The following USP26 variants were observed in gnomAD, a reference collection of about 807,000 sequenced individuals.
The protein encoded by USP26 is ubiquitin carboxyl-terminal hydrolase 26.
For missense variants in USP26, 649 were observed against 642.3 expected (o/e 1.01, Z -0.11); for synonymous variants, 236 against 240.6 (o/e 0.98, Z 0.18).
Position 133,059,958 on chromosome X carries a change from T to C in USP26, c.-77+23749A>G, listed in dbSNP as rs2067489536. 4.5e-5 allele frequency among the ~76,000 whole-genome samples: 5 copies of C among 112,176 alleles called. No homozygotes were observed. The Admixed American group carries it at 4.7e-4, about 11-fold the overall frequency. On this transcript the variant is annotated intron_variant, in intron 5 of 5. Coordinates refer to ENST00000511190, the MANE Select transcript of USP26 (RefSeq NM_031907.3). ...CTAATACCCTATGGTTCTGCTCTGTTGAAATGCAGCCTGTTCAGCAGATTA... is the reference window on the plus strand; with the variant it reads ...CTAATACCCTATGGTTCTGCTCTGTCGAAATGCAGCCTGTTCAGCAGATTA...
intron 5 of USP26, among the ~76,000 whole-genome samples, chrX:133,058,005 G>A (rs2067482274): frequency 1.1e-5 from 1 of 94,895 alleles, no homozygotes. Flanking sequence ...AGCCTCCCAA[G>A]TAGCTGGGAC....
At position 133,026,455 on chromosome X, in the gene USP26, G is replaced by C; in HGVS notation, c.1766C>G (p.Pro589Arg). ...GATATCTTTGGATTCCTTTGTTGCA[G>C]GCCATGATACACTGATGTTTCCAGA... The part of the protein sequence containing the change: ...MTSGNISVSW[P>R]ATKESKDILA... The change falls in exon 6 of 6, where the codon CCT becomes CGT. Residue 589 changes from proline to arginine, a missense_variant. Transcript: ENST00000511190. 8.3e-7 allele frequency: 1 copy of C among 1,208,515 alleles called. No homozygotes were observed. Among genetic ancestry groups the C allele is most frequent in the Non-Finnish European group, 1.1e-6 (1 of 894,716 alleles).
At chrX:133,095,527 G>A (rs1181070582) in intron 1 of USP26, among the ~76,000 whole-genome samples, 1 of 112,208 alleles carries the variant, frequency 8.9e-6, no homozygotes, top group Non-Finnish European at 1.9e-5. Context: ...GCACTCAATC[G>A]ACAGTTAATT....
chrX:133,075,765 G>A (rs1333423951), intron 5 of USP26, among the ~76,000 whole-genome samples: 1 of 111,928 alleles, frequency 8.9e-6, no homozygotes, highest in Admixed American at 9.5e-5. Context: ...GAGGTGTTGT[G>A]TTTTAAATAC....
rs1405284685 is a variant in USP26, at chrX:133,025,496, TCTC to T, written c.2722_2724del (p.Glu908del). The T allele has an allele frequency of 8.3e-7, 1 of 1,210,726 alleles. No individual in the cohort carries two copies. Among genetic ancestry groups the T allele is most frequent in the African/African-American group, 1.7e-5 (1 of 57,574 alleles). On this transcript the variant is annotated inframe_deletion, in exon 6 of 6. Coordinates refer to ENST00000511190, the MANE Select transcript of USP26 (RefSeq NM_031907.3). The stretch of plus-strand genomic sequence containing the variant: ...CGTTCCTCTTATTCCTTCTGAAGGG[TCTC>T]CTCTACCTCCTTGCTATTAAGCTGG...
chrX:133,091,221 T>C (rs1228658904), intron 2 of USP26, 132 bp downstream of exon 2: 8 of 111,983 alleles, frequency 7.1e-5, no homozygotes, highest in Non-Finnish European at 1.5e-4. Flanking sequence ...CCCTAGCAAA[T>C]AAATGTCACA....
intron 1 of USP26, among the ~76,000 whole-genome samples, chrX:133,095,813 C>T (rs941147868): frequency 4.5e-5 from 5 of 111,277 alleles, no homozygotes; most frequent in Admixed American, 1.9e-4. Flanking sequence ...GGCACAATTT[C>T]GGCTCACTGC....
chrX:133,044,699 G>A (rs770610712), intron 5 of USP26, among the ~76,000 whole-genome samples: 6 of 113,086 alleles, frequency 5.3e-5, no homozygotes, highest in Non-Finnish European at 9.4e-5. Flanking sequence ...AAGCCTCCCC[G>A]ACGAGCGTCA....
At chrX:133,046,143 C>T (rs1364222013) in intron 5 of USP26, among the ~76,000 whole-genome samples, 1 of 111,559 alleles carries the variant, frequency 9.0e-6, no homozygotes, top group African/African-American at 3.3e-5. Flanking sequence ...GGAATAGATT[C>T]CACTGCTGTG....
At chrX:133,085,854 T>C (rs1602991138) in intron 4 of USP26, among the ~76,000 whole-genome samples, 1 of 111,143 alleles carries the variant, frequency 9.0e-6, no homozygotes, top group African/African-American at 3.3e-5. Flanking sequence ...AAAAAATCAA[T>C]TCCCGGCTGG....
chrX:133,075,486 C>T (rs2067544974), intron 5 of USP26, among the ~76,000 whole-genome samples: 1 of 112,033 alleles, frequency 8.9e-6, no homozygotes. Flanking sequence ...CTCCAGTTCT[C>T]CTATTTCATG....
chrX:133,023,417 C>A lies in USP26; in HGVS notation c.*2062G>T, dbSNP rs1046989850. Among the ~76,000 whole-genome samples the A allele has an allele frequency of 1.8e-5, 2 of 111,627 alleles. No homozygotes were observed. Among genetic ancestry groups the A allele is most frequent in the Non-Finnish European group, 3.8e-5 (2 of 53,148 alleles). ...GTTATTAGCATCTTCACACTCCTTT[C>A]AAAACAAAACAACTTTCCTTCATTC... On this transcript the variant is annotated 3_prime_UTR_variant, in exon 6 of 6. Coordinates refer to ENST00000511190, the MANE Select transcript of USP26 (RefSeq NM_031907.3).
At chrX:133,075,479 C>T (rs1481329208) in intron 5 of USP26, among the ~76,000 whole-genome samples, 3 of 111,844 alleles carry the variant, frequency 2.7e-5, no homozygotes, top group Non-Finnish European at 5.6e-5. Context: ...AAGTTCTCTC[C>T]AGTTCTCCTA....
At chrX:133,054,060 A>G (rs2067468227) in intron 5 of USP26, among the ~76,000 whole-genome samples, 1 of 111,397 alleles carries the variant, frequency 9.0e-6, no homozygotes, top group Non-Finnish European at 1.9e-5. Context: ...TGTTTCAGTA[A>G]CTAAACTCTC....
At chrX:133,042,758 A>G (rs992697326) in intron 5 of USP26, among the ~76,000 whole-genome samples, 1 of 112,069 alleles carries the variant, frequency 8.9e-6, no homozygotes, top group African/African-American at 3.2e-5. Flanking sequence ...TTGAGGACAC[A>G]GTATTAATTG....
chrX:133,063,107 T>A (rs1346867657), intron 5 of USP26, among the ~76,000 whole-genome samples: 2 of 110,649 alleles, frequency 1.8e-5, no homozygotes, highest in East Asian at 5.7e-4. Flanking sequence ...GCCGAATCGA[T>A]CAAGTGGAAG....
chrX:133,085,288 A>C (rs763718595), intron 4 of USP26, among the ~76,000 whole-genome samples: 1 of 112,331 alleles, frequency 8.9e-6, no homozygotes, highest in Admixed American at 9.4e-5. Flanking sequence ...CCACTTATGC[A>C]TGAGAACAAT....
At chrX:133,049,271 C>T (rs1056182154) in intron 5 of USP26, among the ~76,000 whole-genome samples, 3 of 111,964 alleles carry the variant, frequency 2.7e-5, no homozygotes, top group African/African-American at 9.7e-5. Context: ...GTTCATGCTC[C>T]TCATTTACAA....
At chrX:133,065,830 T>C (rs753568344) in intron 5 of USP26, among the ~76,000 whole-genome samples, 11 of 111,969 alleles carry the variant, frequency 9.8e-5, no homozygotes, top group Non-Finnish European at 1.7e-4. Context: ...AAGGATGCCC[T>C]CTCTCACCAC....
Sources: allele counts gnomAD v4.1 joint callset (sites outside exome capture counted in the v4.1 genomes callset), GRCh38; gene constraint gnomAD v4.1.1; transcripts MANE v1.5; gene names NCBI Gene and HGNC (gene_info 2026-07-23, HGNC 2026-07-21).